The following GAREM1 variants were observed in gnomAD, a reference collection of about 807,000 sequenced individuals.
The protein encoded by GAREM1 is GRB2-associated and regulator of MAPK protein 1.
In GAREM1, 26 loss-of-function variants were observed where a neutral mutation model predicts 71.3. The ratio of observed to expected loss-of-function variants is 0.36; its 90% CI spans 0.27 to 0.51. GAREM1 has a LOEUF of 0.51. Among genes scored for constraint, GAREM1 ranks in the 20% least tolerant of loss-of-function variants. GAREM1 has a pLI of 0.95. For missense variants in GAREM1, 1,026 were observed against 1,103.1 expected (o/e 0.93, Z 0.99); for synonymous variants, 440 against 433.2 (o/e 1.02, Z -0.20).
chr18:32,324,063 A>AC (rs1417225695), intron 2 of GAREM1, among the ~76,000 whole-genome samples: 6 of 152,210 alleles, frequency 3.9e-5, no homozygotes, highest in African/African-American at 1.4e-4. Flanking sequence ...GACCACGCCA[A>AC]CACAGATGGA....
chr18:32,304,177 C>T (rs192834776), intron 3 of GAREM1, among the ~76,000 whole-genome samples: 2,111 of 151,802 alleles, frequency 0.014, 59 homozygotes, highest in African/African-American at 0.048. Context: ...CATGGTGGTG[C>T]GTGCCTATAG....
chr18:32,322,355 C>A (rs567021534), intron 2 of GAREM1, among the ~76,000 whole-genome samples: 2 of 152,266 alleles, frequency 1.3e-5, no homozygotes, highest in East Asian at 3.9e-4. Context: ...CTTCTCATCA[C>A]GCTAAAATCC....
intron 1 of GAREM1, among the ~76,000 whole-genome samples, chr18:32,410,048 A>T (rs1346564409): frequency 6.6e-6 from 1 of 152,204 alleles, no homozygotes; most frequent in Non-Finnish European, 1.5e-5. Flanking sequence ...GGTTTGTGCA[A>T]TGTGTGTATT....
intron 3 of GAREM1, among the ~76,000 whole-genome samples, chr18:32,298,882 A>C (rs970501063): frequency 6.6e-6 from 1 of 152,238 alleles, no homozygotes; most frequent in Non-Finnish European, 1.5e-5. Flanking sequence ...GGAAAATGAC[A>C]GCAAATGGAT....
chr18:32,329,440 G>A (rs1053017025), intron 2 of GAREM1, among the ~76,000 whole-genome samples: 5 of 151,852 alleles, frequency 3.3e-5, no homozygotes, highest in African/African-American at 4.8e-5. Context: ...GGGTGTAGTC[G>A]CTCACGCCTA....
intron 2 of GAREM1, among the ~76,000 whole-genome samples, chr18:32,316,515 C>T (rs2047379369): frequency 6.6e-6 from 1 of 152,120 alleles, no homozygotes; most frequent in South Asian, 2.1e-4. Context: ...TGCAGTGGTA[C>T]CTTCTTGGCT....
chr18:32,386,971 A>T (rs1363992460), intron 2 of GAREM1, among the ~76,000 whole-genome samples: 2 of 152,104 alleles, frequency 1.3e-5, no homozygotes, highest in African/African-American at 4.8e-5. Context: ...GGCAAATAAA[A>T]TTCCAAAGAG....
intron 2 of GAREM1, among the ~76,000 whole-genome samples, chr18:32,345,610 T>C (rs1444265648): frequency 6.6e-6 from 1 of 152,162 alleles, no homozygotes; most frequent in African/African-American, 2.4e-5. Flanking sequence ...GCAAAGAAAA[T>C]GCCAGTTTCT....
chr18:32,443,512 T>C (rs185630775), intron 1 of GAREM1, among the ~76,000 whole-genome samples: 15 of 152,248 alleles, frequency 9.9e-5, no homozygotes, highest in Admixed American at 9.8e-4. Flanking sequence ...GATACACAAA[T>C]GGCAACAAGC....
At chr18:32,388,403 TA>T (rs2048167374) in intron 2 of GAREM1, among the ~76,000 whole-genome samples, 1 of 152,100 alleles carries the variant, frequency 6.6e-6, no homozygotes. Flanking sequence ...AATAACTACT[TA>T]ATAGGGGAGT....
At chr18:32,421,184 T>C (rs2048516372) in intron 1 of GAREM1, among the ~76,000 whole-genome samples, 1 of 152,224 alleles carries the variant, frequency 6.6e-6, no homozygotes, top group South Asian at 2.1e-4. Flanking sequence ...AAAATGCAGA[T>C]ACTAATAATA....
chr18:32,325,026 C>T (rs1315350646), intron 2 of GAREM1, among the ~76,000 whole-genome samples: 2 of 152,184 alleles, frequency 1.3e-5, no homozygotes, highest in African/African-American at 4.8e-5. Flanking sequence ...GATCTTGGCT[C>T]ACTGCAACCT....
chr18:32,370,808 GTTAAGA>G (rs1021389653), intron 2 of GAREM1, among the ~76,000 whole-genome samples: 47 of 151,452 alleles, frequency 3.1e-4, no homozygotes, highest in African/African-American at 1.1e-3. Context: ...TAATACTAAC[GTTAAGA>G]TTATGTTCAA....
chr18:32,363,178 T>A (rs753099388), intron 2 of GAREM1, among the ~76,000 whole-genome samples: 142 of 151,858 alleles, frequency 9.4e-4, no homozygotes, highest in Non-Finnish European at 1.7e-3. Context: ...TACCAATGTT[T>A]CTTATGAGAA....
chr18:32,372,863 C>A (rs1343360145), intron 2 of GAREM1, among the ~76,000 whole-genome samples: 3 of 152,186 alleles, frequency 2.0e-5, no homozygotes, highest in Non-Finnish European at 4.4e-5. Context: ...TGGGGTGGTT[C>A]CTGTAGAAAA....
chr18:32,334,576 A>G (rs1247742927), intron 2 of GAREM1, among the ~76,000 whole-genome samples: 2 of 152,190 alleles, frequency 1.3e-5, no homozygotes, highest in East Asian at 3.8e-4. Context: ...GGGGTTCCAC[A>G]TGGAAGCGGA....
intron 4 of GAREM1, among the ~76,000 whole-genome samples, chr18:32,280,617 G>C (rs2041600335): frequency 6.6e-6 from 1 of 152,078 alleles, no homozygotes; most frequent in South Asian, 2.1e-4. Flanking sequence ...TCTTTTTGGG[G>C]GCATATGATG....
At chr18:32,456,406 G>A (rs1041198947) in intron 1 of GAREM1, among the ~76,000 whole-genome samples, 10 of 152,050 alleles carry the variant, frequency 6.6e-5, no homozygotes, top group Non-Finnish European at 1.0e-4. Context: ...TATCGATTAC[G>A]CTGGTGAATA....
At chr18:32,455,240 T>C (rs1054525345) in intron 1 of GAREM1, among the ~76,000 whole-genome samples, 1 of 152,162 alleles carries the variant, frequency 6.6e-6, no homozygotes, top group Non-Finnish European at 1.5e-5. Context: ...ATTCTGGTCT[T>C]TGCATGTGAG....
Sources: allele counts gnomAD v4.1 joint callset (sites outside exome capture counted in the v4.1 genomes callset), GRCh38; gene constraint gnomAD v4.1.1; transcripts MANE v1.5; gene names NCBI Gene and HGNC (gene_info 2026-07-23, HGNC 2026-07-21).